Variants in DPP6 observed in about 807,000 individuals in gnomAD.
DPP6 encodes the protein A-type potassium channel modulatory protein DPP6.
DPP6 carries 69 observed loss-of-function variants against 122.6 expected under a neutral mutation model. The ratio of observed to expected loss-of-function variants is 0.56; its 90% CI spans 0.46 to 0.69. The LOEUF (loss-of-function observed/expected upper bound fraction) is 0.69. Among genes scored for constraint, DPP6 ranks in the 30% least tolerant of loss-of-function variants. The pLI, the probability that DPP6 is intolerant of heterozygous loss-of-function variation, is 0.00. For synonymous variants in DPP6, 418 were observed against 433.1 expected, an observed-to-expected ratio of 0.97 and a Z score of 0.43; for missense variants, 928 against 1,116.9, an observed-to-expected ratio of 0.83 and a Z score of 2.41.
In DPP6 at chr7:154,807,228, A is replaced by G. The variant is rs899923286; in HGVS notation, c.1666+116A>G. ...CTGTGGTGGGAGCACAGCGTATTCCAGAACAGGTGAGGATCCCGCCTACCT... is the reference window on the plus strand; with the variant it reads ...CTGTGGTGGGAGCACAGCGTATTCCGGAACAGGTGAGGATCCCGCCTACCT... On this transcript the variant is annotated intron_variant, in intron 16 of 25. Transcript: ENST00000377770. 41 of 1,413,062 alleles carry G rather than the reference A, an allele frequency of 2.9e-5. No individual in the cohort carries two copies. The African/African-American group carries it at 5.4e-4, about 19-fold the overall frequency. The allele number at this position is 1,413,062 out of a possible 1,614,324, so 87.5% of individuals were successfully genotyped here.
Position 154,513,963 on chromosome 7 carries a change from G to A in DPP6, c.458-26569G>A, listed in dbSNP as rs143502514. On this transcript the variant is annotated intron_variant, in intron 3 of 25. Transcript: ENST00000377770. ...TGTGATTTCCAAAGCCATAAACTTTGGGTCTGAATGAAATTAAGAAGGGTT... is the reference window on the plus strand; with the variant it reads ...TGTGATTTCCAAAGCCATAAACTTTAGGTCTGAATGAAATTAAGAAGGGTT... Among the ~76,000 whole-genome samples, 929 of 152,230 alleles carry A rather than the reference G, an allele frequency of 6.1e-3. 13 individuals carry two copies. Among genetic ancestry groups the A allele is most frequent in the African/African-American group, 0.021 (866 of 41,542 alleles).
chr7:153,940,944 T>G (rs1162910237), intron 1 of DPP6, among the ~76,000 whole-genome samples: 1 of 152,130 alleles, frequency 6.6e-6, no homozygotes, highest in Non-Finnish European at 1.5e-5. Context: ...CCATAGACAT[T>G]GGTGCTCCCA....
chr7:154,026,331 G>A lies in DPP6; in HGVS notation c.51+138597G>A, dbSNP rs1001138996. 2.1e-4 allele frequency: 32 copies of A among 151,704 alleles called. No homozygotes were observed. In the East Asian group the frequency reaches 4.9e-3, roughly 23 times the overall value. The allele number at this position is 151,704 out of a possible 1,614,324, so 9.4% of individuals were successfully genotyped here. ...CCCCATGTACCTTTTATTTTATTCT[G>A]ATTTGAACTCATATCCTTTTGCTGT... is the stretch of plus-strand genomic sequence containing the variant. On this transcript the variant is annotated intron_variant, in intron 1 of 25. Coordinates refer to the DPP6 transcript ENST00000404039.
At chr7:153,931,558 G>C (rs1801170264) in intron 1 of DPP6, among the ~76,000 whole-genome samples, 1 of 114,138 alleles carries the variant, frequency 8.8e-6, no homozygotes, top group Non-Finnish European at 1.8e-5. Context: ...ACTAGTTAAA[G>C]TATTTCATGG....
intron 7 of DPP6, among the ~76,000 whole-genome samples, chr7:154,710,124 A>G (rs1301184721): frequency 2.0e-5 from 3 of 152,208 alleles, no homozygotes; most frequent in Non-Finnish European, 4.4e-5. Context: ...CACTGCTGCC[A>G]GATGACAGCT....
At chr7:154,490,413 G>A (rs935991820) in intron 3 of DPP6, among the ~76,000 whole-genome samples, 8 of 152,192 alleles carry the variant, frequency 5.3e-5, no homozygotes, top group South Asian at 2.1e-4. Context: ...TGCAAGCCAG[G>A]CATCCTGAAG....
At chr7:154,215,764 C>G (rs942577361) in intron 1 of DPP6, among the ~76,000 whole-genome samples, 3 of 152,084 alleles carry the variant, frequency 2.0e-5, no homozygotes, top group Non-Finnish European at 4.4e-5. Flanking sequence ...AGTTTACTTG[C>G]ACTTTGAAAA....
intron 1 of DPP6, among the ~76,000 whole-genome samples, chr7:154,266,645 T>C (rs1803438473): frequency 6.6e-6 from 1 of 152,176 alleles, no homozygotes; most frequent in African/African-American, 2.4e-5. Flanking sequence ...TTGACTGAAA[T>C]TCATTGGTTA....
intron 1 of DPP6, among the ~76,000 whole-genome samples, chr7:154,438,436 C>G (rs1354952636): frequency 7.9e-6 from 1 of 127,382 alleles, no homozygotes; most frequent in Non-Finnish European, 1.6e-5. Flanking sequence ...CACCACTGCA[C>G]TCCAGCCTGG....
At chr7:154,112,557 C>T (rs1806666300) in intron 1 of DPP6, among the ~76,000 whole-genome samples, 1 of 151,648 alleles carries the variant, frequency 6.6e-6, no homozygotes, top group Non-Finnish European at 1.5e-5. Flanking sequence ...AGGGAGGAGA[C>T]TTGCTTGAAT....
At chr7:154,361,304 C>T (rs1404580838) in intron 1 of DPP6, among the ~76,000 whole-genome samples, 1 of 152,138 alleles carries the variant, frequency 6.6e-6, no homozygotes, top group Admixed American at 6.5e-5. Flanking sequence ...GCTCAAGATA[C>T]CCAATAAAGT....
At chr7:154,404,205 C>T (rs1043711896) in intron 1 of DPP6, among the ~76,000 whole-genome samples, 2 of 152,172 alleles carry the variant, frequency 1.3e-5, no homozygotes, top group Non-Finnish European at 2.9e-5. Flanking sequence ...TCACTCCTCC[C>T]TCTGCATAGG....
At chr7:153,869,982 A>G in the DPP6 span, among the ~76,000 whole-genome samples, 1 of 152,214 alleles carries the variant, frequency 6.6e-6, no homozygotes, top group South Asian at 2.1e-4. Context: ...ATTGGCCCCT[A>G]TTCTCTTCTG....
chr7:154,114,458 C>T (rs1364954708), intron 1 of DPP6, among the ~76,000 whole-genome samples: 2 of 152,068 alleles, frequency 1.3e-5, no homozygotes, highest in Admixed American at 6.5e-5. Context: ...TAAAAACTAA[C>T]CTTTATTTAA....
At chr7:153,817,778 A>T in the DPP6 span, among the ~76,000 whole-genome samples, 3 of 30,218 alleles carry the variant, frequency 9.9e-5, no homozygotes, top group Non-Finnish European at 1.8e-4. Context: ...GGGTGGGGGG[A>T]GGGGGGAGGG....
At chr7:154,438,166 A>G (rs1819026906) in intron 1 of DPP6, among the ~76,000 whole-genome samples, 1 of 152,088 alleles carries the variant, frequency 6.6e-6, no homozygotes, top group African/African-American at 2.4e-5. Context: ...AGTAAAATGG[A>G]AAATGAAATA....
rs537219033 is a variant in DPP6, at chr7:153,980,095, T to A, written c.51+92361T>A. ...GGGAGGATTCCCTCTTTTTCTATTG[T>A]TTGGAATAGTTTTAGAAGGAATGGT... On this transcript the variant is annotated intron_variant, in intron 1 of 25. Coordinates refer to the DPP6 transcript ENST00000404039. Among the ~76,000 whole-genome samples the A allele has an allele frequency of 1.3e-4, 20 of 152,254 alleles. 1 individual carries two copies. In the South Asian group the frequency reaches 2.9e-3, roughly 22 times the overall value.
At chr7:154,042,187 C>G (rs903392186) in intron 1 of DPP6, among the ~76,000 whole-genome samples, 11 of 152,196 alleles carry the variant, frequency 7.2e-5, no homozygotes, top group Non-Finnish European at 1.6e-4. Flanking sequence ...TGACCACTCT[C>G]TCTTACCAGA....
intron 1 of DPP6, among the ~76,000 whole-genome samples, chr7:154,127,609 A>T (rs1306865107): frequency 4.8e-4 from 39 of 80,464 alleles, no homozygotes; most frequent in South Asian, 1.9e-3. Flanking sequence ...ACACACACAC[A>T]CACACACACA....
Sources: allele counts gnomAD v4.1 joint callset (sites outside exome capture counted in the v4.1 genomes callset), GRCh38; gene constraint gnomAD v4.1.1; transcripts MANE v1.5; gene names NCBI Gene and HGNC (gene_info 2026-07-23, HGNC 2026-07-21).